IQCM: variants seen among roughly 807,000 people sequenced by gnomAD.
The protein encoded by IQCM is IQ motif containing M.
A neutral mutation model predicts 57.6 loss-of-function variants in IQCM; 45 were observed. The observed-to-expected ratio is 0.78, with a 90% CI of 0.62 to 1.00. The LOEUF (loss-of-function observed/expected upper bound fraction) is 1.00. Among genes scored for constraint, IQCM ranks in the 50% least tolerant of loss-of-function variants. The pLI, the probability that IQCM is intolerant of heterozygous loss-of-function variation, is 0.00. For missense variants in IQCM, 468 were observed against 511.6 expected, an observed-to-expected ratio of 0.91 and a Z score of 0.82; for synonymous variants, 148 against 158.9, an observed-to-expected ratio of 0.93 and a Z score of 0.51.
intron 7 of IQCM, among the ~76,000 whole-genome samples, chr4:149,659,515 A>C (rs969450766): frequency 1.3e-5 from 2 of 152,198 alleles, no homozygotes; most frequent in Non-Finnish European, 2.9e-5. Flanking sequence ...AAGAGCCCGC[A>C]TCGCCAAGTC....
intron 8 of IQCM, among the ~76,000 whole-genome samples, chr4:149,593,008 C>T (rs981622187): frequency 2.4e-4 from 36 of 152,218 alleles, no homozygotes; most frequent in African/African-American, 7.9e-4. Flanking sequence ...TCATTGGTAG[C>T]TTGATGGGGA....
intron 3 of IQCM, chr4:149,737,628 T>G (rs1005218522): frequency 6.6e-6 from 1 of 152,132 alleles, no homozygotes; most frequent in African/African-American, 2.4e-5. Context: ...GGTAATGAGG[T>G]CCTGAGGAAT....
chr4:149,685,133 T>A (rs1282448176), intron 6 of IQCM, among the ~76,000 whole-genome samples: 4 of 151,556 alleles, frequency 2.6e-5, no homozygotes, highest in Non-Finnish European at 4.4e-5. Flanking sequence ...TATTAATAAG[T>A]GCTTCACTTG....
intron 13 of IQCM, among the ~76,000 whole-genome samples, chr4:149,419,255 C>T (rs1733962092): frequency 6.6e-6 from 1 of 152,040 alleles, no homozygotes; most frequent in African/African-American, 2.4e-5. Context: ...CACAAAACCA[C>T]AATAACCAAA....
At chr4:149,524,662 G>A (rs1391464691) in intron 12 of IQCM, among the ~76,000 whole-genome samples, 1 of 151,682 alleles carries the variant, frequency 6.6e-6, no homozygotes, top group Admixed American at 6.6e-5. Context: ...AATGGTAGAA[G>A]CTGACATGAA....
chr4:149,537,249 TAG>T (rs1436823580), intron 12 of IQCM, among the ~76,000 whole-genome samples: 4 of 151,796 alleles, frequency 2.6e-5, no homozygotes, highest in African/African-American at 9.6e-5. Context: ...AATATTAAAA[TAG>T]AGATTATAAA....
chr4:149,780,150 T>C (rs1212205814), intron 2 of IQCM: 2 of 152,156 alleles, frequency 1.3e-5, no homozygotes, highest in Non-Finnish European at 2.9e-5. Flanking sequence ...ATTAGAAACA[T>C]ATTGTTGAAG....
At chr4:149,474,268 A>G (rs755932769) in intron 12 of IQCM, among the ~76,000 whole-genome samples, 2 of 152,064 alleles carry the variant, frequency 1.3e-5, no homozygotes, top group Non-Finnish European at 2.9e-5. Flanking sequence ...TAAAGTAGTC[A>G]AAGTAGACAT....
At chr4:149,485,016 C>A (rs1261175759) in intron 12 of IQCM, among the ~76,000 whole-genome samples, 1 of 152,050 alleles carries the variant, frequency 6.6e-6, no homozygotes, top group African/African-American at 2.4e-5. Context: ...AACTTTAGCA[C>A]TTTAAATATG....
At chr4:149,352,805 T>C (rs1192116708) in intron 13 of IQCM, among the ~76,000 whole-genome samples, 1 of 152,208 alleles carries the variant, frequency 6.6e-6, no homozygotes, top group Non-Finnish European at 1.5e-5. Context: ...TCCATCTTTA[T>C]GTATAAAATG....
intron 2 of IQCM, among the ~76,000 whole-genome samples, chr4:149,810,139 C>T (rs1431045651): frequency 6.6e-6 from 1 of 151,968 alleles, no homozygotes; most frequent in Non-Finnish European, 1.5e-5. Flanking sequence ...AATCCTAGCG[C>T]TTTGGGAGGC....
At chr4:149,703,969 G>A (rs1763963013) in intron 5 of IQCM, among the ~76,000 whole-genome samples, 1 of 151,768 alleles carries the variant, frequency 6.6e-6, no homozygotes. Context: ...ACAAGCACAG[G>A]AGTGATATAT....
intron 9 of IQCM, among the ~76,000 whole-genome samples, chr4:149,580,210 G>C (rs1752048155): frequency 6.6e-6 from 1 of 151,748 alleles, no homozygotes; most frequent in South Asian, 2.1e-4. Flanking sequence ...AAATTTTCTG[G>C]GCTCAGGTGA....
chr4:149,385,544 A>C (rs994752643), intron 13 of IQCM, among the ~76,000 whole-genome samples: 5 of 152,104 alleles, frequency 3.3e-5, no homozygotes, highest in Non-Finnish European at 7.4e-5. Flanking sequence ...CTGGAAGCCA[A>C]AACCTTTCTC....
intron 8 of IQCM, among the ~76,000 whole-genome samples, chr4:149,598,930 T>G (rs956808673): frequency 6.6e-6 from 1 of 152,088 alleles, no homozygotes; most frequent in Non-Finnish European, 1.5e-5. Context: ...CAATCAATTA[T>G]TCAGGTAATC....
At chr4:149,643,396 T>C (rs1333949851) in intron 7 of IQCM, among the ~76,000 whole-genome samples, 1 of 152,186 alleles carries the variant, frequency 6.6e-6, no homozygotes, top group Non-Finnish European at 1.5e-5. Flanking sequence ...ATCATAGATG[T>C]ATGTTATGGA....
intron 11 of IQCM, among the ~76,000 whole-genome samples, chr4:149,550,140 A>G (rs1255285394): frequency 1.3e-5 from 2 of 152,188 alleles, no homozygotes; most frequent in Non-Finnish European, 2.9e-5. Context: ...CTATGCACCA[A>G]GCAGTGGGCC....
intron 2 of IQCM, among the ~76,000 whole-genome samples, chr4:149,749,025 G>A (rs1026027749): frequency 2.6e-5 from 4 of 152,032 alleles, no homozygotes; most frequent in Non-Finnish European, 4.4e-5. Flanking sequence ...ATAAAACCAC[G>A]ACCATCACAC....
intron 13 of IQCM, among the ~76,000 whole-genome samples, chr4:149,388,537 AT>A (rs1422178955): frequency 1.4e-4 from 19 of 135,500 alleles, no homozygotes; most frequent in Admixed American, 6.2e-4. Context: ...TATATTATAT[AT>A]TATATATAAT....
Sources: gnomAD v4.1 joint callset for allele counts (sites outside exome capture counted in the v4.1 genomes callset) on GRCh38, gnomAD v4.1.1 for gene constraint, MANE v1.5 for transcripts, NCBI Gene and HGNC (gene_info 2026-07-23, HGNC 2026-07-21) for gene names.